The following CSPP1 variants were observed in gnomAD, a reference collection of about 807,000 sequenced individuals.
CSPP1 encodes centrosome and spindle pole associated protein 1, also known as centrosome and spindle pole-associated protein 1.
In CSPP1, 126 loss-of-function variants were observed where a neutral mutation model predicts 164.4. The ratio of observed to expected loss-of-function variants is 0.77; its 90% confidence interval spans 0.66 to 0.89. The LOEUF (loss-of-function observed/expected upper bound fraction) is 0.89. Among genes scored for constraint, CSPP1 ranks in the 40% least tolerant of loss-of-function variants. The pLI is 0.00. For missense variants in CSPP1, 1,395 were observed against 1,449.8 expected, an observed-to-expected ratio of 0.96 and a Z score of 0.61; for synonymous variants, 472 against 476.7, an observed-to-expected ratio of 0.99 and a Z score of 0.13.
intron 17 of CSPP1, among the ~76,000 whole-genome samples, chr8:67,142,522 T>G (rs1489110158): frequency 6.6e-6 from 1 of 152,220 alleles, no homozygotes; most frequent in East Asian, 1.9e-4. Context: ...TACTGAATAG[T>G]ATTACATTTT....
At chr8:67,082,813 A>G (rs943091093) in intron 3 of CSPP1, among the ~76,000 whole-genome samples, 2 of 152,328 alleles carry the variant, frequency 1.3e-5, no homozygotes, top group African/African-American at 2.4e-5. Context: ...TCTTAGGGTC[A>G]TTGATGTTAT....
chr8:67,185,748 A>G (rs1834393346), intron 28 of CSPP1, among the ~76,000 whole-genome samples: 1 of 152,146 alleles, frequency 6.6e-6, no homozygotes, highest in Admixed American at 6.5e-5. Flanking sequence ...GAAGATGATG[A>G]TGATGAGTTT....
intron 15 of CSPP1, among the ~76,000 whole-genome samples, chr8:67,123,963 G>C (rs1387903829): frequency 6.9e-6 from 1 of 144,622 alleles, no homozygotes; most frequent in Non-Finnish European, 1.5e-5. Context: ...GCAGTGGTGC[G>C]ATCTCGGCTC....
chr8:67,074,409 C>T (rs1807466008), intron 2 of CSPP1, 58 bp downstream of exon 2: 19 of 1,032,430 alleles, frequency 1.8e-5, no homozygotes, highest in Non-Finnish European at 2.6e-5. Flanking sequence ...GGAGATTACT[C>T]CTGTGTAAAT....
chr8:67,080,706 C>CTTA (rs1244838777), intron 3 of CSPP1, among the ~76,000 whole-genome samples: 1 of 152,214 alleles, frequency 6.6e-6, no homozygotes, highest in Non-Finnish European at 1.5e-5. Flanking sequence ...AAGTGCTGTA[C>CTTA]TTATGGTCAC....
At chr8:67,102,930 C>G in intron 7 of CSPP1, 107 bp from the exon 8 acceptor site, 2 of 566,846 alleles carry the variant, frequency 3.5e-6, no homozygotes, top group Non-Finnish European at 3.1e-6. Context: ...TTCATTATAA[C>G]ACTTTGTTCC....
intron 30 of CSPP1, 72 bp from the exon 31 acceptor site, chr8:67,195,310 C>T: frequency 1.1e-6 from 1 of 908,402 alleles, no homozygotes; most frequent in Non-Finnish European, 1.9e-6. Context: ...AGTTGGACTA[C>T]AAGAGACCTG....
intron 17 of CSPP1, among the ~76,000 whole-genome samples, chr8:67,148,172 G>C (rs1249324414): frequency 6.6e-6 from 1 of 152,038 alleles, no homozygotes; most frequent in African/African-American, 2.4e-5. Flanking sequence ...ACCCTCTTTG[G>C]CCTCCCAAAG....
intron 7 of CSPP1, among the ~76,000 whole-genome samples, chr8:67,102,372 A>G (rs893367723): frequency 7.9e-5 from 12 of 152,164 alleles, no homozygotes; most frequent in Non-Finnish European, 1.8e-4. Flanking sequence ...GCGGGAGATC[A>G]CAAGGTTAGG....
chr8:67,168,951 T>G (rs2129565159), intron 24 of CSPP1, among the ~76,000 whole-genome samples: 1 of 152,298 alleles, frequency 6.6e-6, no homozygotes. Flanking sequence ...CCTTTCACCT[T>G]AAGTATTAGA....
At chr8:67,069,915 C>T (rs948871848) in intron 1 of CSPP1, among the ~76,000 whole-genome samples, 15 of 152,108 alleles carry the variant, frequency 9.9e-5, no homozygotes, top group Non-Finnish European at 1.9e-4. Context: ...CTGCCTCACA[C>T]TCCCAAAGTG....
At chr8:67,195,137 TGGAGTC>T (rs1837631934) in intron 30 of CSPP1, among the ~76,000 whole-genome samples, 1 of 152,218 alleles carries the variant, frequency 6.6e-6, no homozygotes, top group Non-Finnish European at 1.5e-5. Flanking sequence ...GCTAGTGCCA[TGGAGTC>T]AGCTTACTCA....
intron 17 of CSPP1, among the ~76,000 whole-genome samples, chr8:67,143,574 T>C (rs1195484921): frequency 6.6e-6 from 1 of 152,158 alleles, no homozygotes; most frequent in Non-Finnish European, 1.5e-5. Context: ...GCAGTGTATA[T>C]CCATTTATTG....
chr8:67,145,528 T>G (rs1182973222), intron 17 of CSPP1, among the ~76,000 whole-genome samples: 1 of 151,964 alleles, frequency 6.6e-6, no homozygotes, highest in Admixed American at 6.6e-5. Flanking sequence ...TTCTTTTTTT[T>G]TTGTTTTTGT....
At chr8:67,066,434 C>G (rs1164356601) in intron 1 of CSPP1, among the ~76,000 whole-genome samples, 1 of 152,014 alleles carries the variant, frequency 6.6e-6, no homozygotes, top group African/African-American at 2.4e-5. Flanking sequence ...GGCCCCTCCC[C>G]CCACCGCACA....
chr8:67,110,877 T>TTG (rs1554578785), intron 9 of CSPP1, among the ~76,000 whole-genome samples: 6 of 152,216 alleles, frequency 3.9e-5, no homozygotes, highest in African/African-American at 1.2e-4. Flanking sequence ...GTTGTTGTTG[T>TTG]TTATTTGTTT....
chr8:67,075,233 G>A (rs1487678487), intron 2 of CSPP1, among the ~76,000 whole-genome samples: 1 of 152,156 alleles, frequency 6.6e-6, no homozygotes, highest in African/African-American at 2.4e-5. Context: ...GAGTGTTGTG[G>A]CACCTTCTCA....
chr8:67,195,593 A>C lies in CSPP1; in HGVS notation c.3681A>C (p.Ter1227TyrextTer22). ...AGGGCCTGTCGACTGCACATGGTTA[A>C]AATAAACCTGTACTGGACCCAGTAG... The part of the protein sequence containing the change: ...TWQGLSTAHG[*>Y] Residue 1227 changes from the stop codon to tyrosine, a stop_lost, in exon 31 of 31, where the codon TAA (stop) becomes TAC (tyrosine). Coordinates refer to ENST00000678616, the MANE Select transcript of CSPP1 (RefSeq NM_001382391.1). 2 of 1,613,186 alleles carry C rather than the reference A, an allele frequency of 1.2e-6. No individual in the cohort carries two copies. The highest frequency in any genetic ancestry group is 1.7e-6 in the Non-Finnish European group (2 of 1,179,204).
intron 15 of CSPP1, among the ~76,000 whole-genome samples, chr8:67,121,201 T>A (rs1818899332): frequency 1.3e-5 from 2 of 152,174 alleles, no homozygotes; most frequent in Non-Finnish European, 2.9e-5. Context: ...GACTAGAGCT[T>A]CCAGTACTAT....
Sources: allele counts gnomAD v4.1 joint callset (sites outside exome capture counted in the v4.1 genomes callset), GRCh38; gene constraint gnomAD v4.1.1; transcripts MANE v1.5; gene names NCBI Gene and HGNC (gene_info 2026-07-23, HGNC 2026-07-21).